Variants in CNTNAP4 observed in about 807,000 individuals in gnomAD.
The protein encoded by CNTNAP4 is contactin-associated protein-like 4.
Under a neutral mutation model 148.4 loss-of-function variants are expected in CNTNAP4, and 98 were observed. That is an observed-to-expected ratio of 0.66 (90% CI 0.56 to 0.78). CNTNAP4 has a LOEUF of 0.78. CNTNAP4 is among the 30% of genes least tolerant of loss of function. The pLI, the probability that CNTNAP4 is intolerant of heterozygous loss-of-function variation, is 0.00. For synonymous variants in CNTNAP4, 730 were observed against 565.1 expected (o/e 1.29, Z -4.14); for missense variants, 1,935 against 1,565.6 (o/e 1.24, Z -3.98).
At chr16:76,449,349 A>G (rs1462061119) in intron 6 of CNTNAP4, among the ~76,000 whole-genome samples, 5 of 152,322 alleles carry the variant, frequency 3.3e-5, no homozygotes, top group African/African-American at 1.2e-4. Flanking sequence ...TGATTAATTA[A>G]TTCATTAGCA....
intron 3 of CNTNAP4, among the ~76,000 whole-genome samples, chr16:76,409,077 C>A (rs560188928): frequency 3.9e-5 from 6 of 151,940 alleles, no homozygotes; most frequent in Non-Finnish European, 5.9e-5. Context: ...TGGAAGAATT[C>A]AAAGGAAAAT....
chr16:76,344,488 C>T (rs1210007257), intron 2 of CNTNAP4, among the ~76,000 whole-genome samples: 3 of 152,156 alleles, frequency 2.0e-5, no homozygotes, highest in Non-Finnish European at 4.4e-5. Flanking sequence ...AATACTCATG[C>T]ACATACAGTG....
At chr16:76,514,388 C>T (rs1187527504) in intron 15 of CNTNAP4, among the ~76,000 whole-genome samples, 1 of 152,204 alleles carries the variant, frequency 6.6e-6, no homozygotes, top group Non-Finnish European at 1.5e-5. Context: ...ATTAAATACA[C>T]AAGTCTATTT....
chr16:76,418,871 G>A (rs2079080147), intron 3 of CNTNAP4, among the ~76,000 whole-genome samples: 1 of 151,996 alleles, frequency 6.6e-6, no homozygotes, highest in Non-Finnish European at 1.5e-5. Context: ...ATGGGTTACA[G>A]TTTAGGTTTG....
chr16:76,548,366 A>G (rs1202901011), intron 21 of CNTNAP4, among the ~76,000 whole-genome samples: 1 of 142,218 alleles, frequency 7.0e-6, no homozygotes, highest in Non-Finnish European at 1.5e-5. Context: ...TTTCTTTTTA[A>G]ATGACTCCTT....
chr16:76,426,946 C>G (rs1319064009), intron 3 of CNTNAP4, among the ~76,000 whole-genome samples: 1 of 152,128 alleles, frequency 6.6e-6, no homozygotes, highest in Non-Finnish European at 1.5e-5. Flanking sequence ...GAGTGTAGCT[C>G]CAACTTGAAT....
intron 3 of CNTNAP4, among the ~76,000 whole-genome samples, chr16:76,421,263 G>C (rs906686137): frequency 1.3e-5 from 2 of 151,948 alleles, no homozygotes; most frequent in South Asian, 2.1e-4. Context: ...ATAATATTCA[G>C]TATTTTTGGA....
chr16:76,342,382 A>C (rs943779051), intron 2 of CNTNAP4, among the ~76,000 whole-genome samples: 1 of 152,098 alleles, frequency 6.6e-6, no homozygotes, highest in Non-Finnish European at 1.5e-5. Context: ...AATGAAAACA[A>C]AGTTTTTGAC....
At chr16:76,305,985 T>A (rs752486331) in intron 1 of CNTNAP4, among the ~76,000 whole-genome samples, 2 of 152,238 alleles carry the variant, frequency 1.3e-5, no homozygotes, top group Non-Finnish European at 2.9e-5. Context: ...GTGAAGGAGA[T>A]GATTTTATTC....
At chr16:76,414,630 T>A (rs915386347) in intron 3 of CNTNAP4, among the ~76,000 whole-genome samples, 1 of 151,348 alleles carries the variant, frequency 6.6e-6, no homozygotes, top group Non-Finnish European at 1.5e-5. Flanking sequence ...TTTAGAAGAA[T>A]TCACTAGGAA....
chr16:76,397,676 A>G (rs11149895), intron 3 of CNTNAP4, among the ~76,000 whole-genome samples: 57,766 of 151,296 alleles, frequency 0.38, 11,642 homozygotes, highest in Middle Eastern at 0.51. Context: ...TCTGTATGCT[A>G]GAAATAATAA....
At chr16:76,468,632 A>G (rs2081261012) in intron 10 of CNTNAP4, among the ~76,000 whole-genome samples, 2 of 152,078 alleles carry the variant, frequency 1.3e-5, no homozygotes. Flanking sequence ...CTGCAGGCAC[A>G]CAACACCAGG....
intron 3 of CNTNAP4, among the ~76,000 whole-genome samples, chr16:76,375,870 A>C (rs2015363603): frequency 6.6e-6 from 1 of 152,230 alleles, no homozygotes; most frequent in Non-Finnish European, 1.5e-5. Context: ...GAAGGCGATG[A>C]ATAGCAGTTA....
chr16:76,546,484 AT>A lies in CNTNAP4; in HGVS notation c.3442+5696del, dbSNP rs543424436. The stretch of plus-strand genomic sequence containing the variant: ...TGTGAAGGATCTGGGTTGTGTGCTC[AT>A]TATGAGAATCTAATGCCTGATGACC... On this transcript the variant is annotated intron_variant, in intron 21 of 23. Coordinates refer to ENST00000611870, the MANE Select transcript of CNTNAP4 (RefSeq NM_033401.5). Among the ~76,000 whole-genome samples, 763 of 152,286 alleles carry A rather than the reference AT, an allele frequency of 5.0e-3. 4 individuals carry two copies. Among genetic ancestry groups the A allele is most frequent in the African/African-American group, 0.015 (637 of 41,560 alleles).
intron 9 of CNTNAP4, among the ~76,000 whole-genome samples, chr16:76,463,433 C>G (rs1021763516): frequency 1.3e-5 from 2 of 152,056 alleles, no homozygotes; most frequent in Non-Finnish European, 2.9e-5. Flanking sequence ...TAAATTTTTA[C>G]TCTAGTGATT....
chr16:76,315,620 C>A lies in CNTNAP4; in HGVS notation c.86-793C>A, dbSNP rs114922368. On this transcript the variant is annotated intron_variant, in intron 1 of 23. Coordinates refer to ENST00000611870, the MANE Select transcript of CNTNAP4 (RefSeq NM_033401.5). ...CTGTGAAGTCTGTTTTTTGAGACAG[C>A]GTCTTACTCCGTCACCCAGGCTGGA... 3.6e-3 allele frequency among the ~76,000 whole-genome samples: 539 copies of A among 151,652 alleles called. 5 individuals are homozygous for A. The highest frequency in any genetic ancestry group is 0.013 in the African/African-American group (528 of 41,316).
chr16:76,430,353 G>A (rs2079563509), intron 4 of CNTNAP4, among the ~76,000 whole-genome samples: 1 of 152,136 alleles, frequency 6.6e-6, no homozygotes, highest in Non-Finnish European at 1.5e-5. Flanking sequence ...TGGGTGGCAT[G>A]GCAAAGAAAT....
intron 4 of CNTNAP4, among the ~76,000 whole-genome samples, chr16:76,430,606 A>G (rs1234876991): frequency 6.6e-6 from 1 of 152,162 alleles, no homozygotes; most frequent in Non-Finnish European, 1.5e-5. Context: ...ATCCATGCCC[A>G]ACAAAGTAGG....
intron 1 of CNTNAP4, among the ~76,000 whole-genome samples, chr16:76,280,369 T>C (rs1344963779): frequency 1.3e-5 from 2 of 152,180 alleles, no homozygotes; most frequent in African/African-American, 2.4e-5. Flanking sequence ...AACATATATG[T>C]TCACATATAT....
Sources: gnomAD v4.1 joint callset for allele counts (sites outside exome capture counted in the v4.1 genomes callset) on GRCh38, gnomAD v4.1.1 for gene constraint, MANE v1.5 for transcripts, NCBI Gene and HGNC (gene_info 2026-07-23, HGNC 2026-07-21) for gene names.